NDUFAF2: variants seen among roughly 807,000 people sequenced by gnomAD.
The protein encoded by NDUFAF2 is NADH:ubiquinone oxidoreductase complex assembly factor 2.
NDUFAF2 carries 13 observed loss-of-function variants against 22.8 expected under a neutral mutation model. That is an observed-to-expected ratio of 0.57 (90% CI 0.37 to 0.91). The LOEUF is 0.91. Ranked by LOEUF, NDUFAF2 falls within the 40% of genes least tolerant of loss-of-function variation. The probability of loss-of-function intolerance (pLI) is 0.01; values close to 1 mark genes in which losing one functional copy is unlikely to be tolerated. For missense variants in NDUFAF2, 162 were observed against 195.2 expected (o/e 0.83, Z 1.01); for synonymous variants, 53 against 64.2 (o/e 0.83, Z 0.84).
At chr5:61,087,108 G>A (rs1472906308) in intron 2 of NDUFAF2, among the ~76,000 whole-genome samples, 2 of 152,102 alleles carry the variant, frequency 1.3e-5, no homozygotes, top group Admixed American at 1.3e-4. Context: ...GTTAGATGAG[G>A]TCATGAGGGT....
chr5:61,040,290 G>A (rs374358665), intron 1 of NDUFAF2, among the ~76,000 whole-genome samples: 5,287 of 62,302 alleles, frequency 0.085, 146 homozygotes, highest in African/African-American at 0.17. Context: ...ACACACACGC[G>A]CGCGCGCGCG....
At position 61,105,555 on chromosome 5, in the gene NDUFAF2, GA is replaced by G. The variant is rs903009606; in HGVS notation, c.258+6533del. ...TTAAACATCATTCATTAAAATGAAT[GA>G]AAAAAAAAACTTAAGAATGAACTGG... On this transcript the variant is annotated intron_variant, in intron 3 of 3. Coordinates refer to ENST00000296597, the MANE Select transcript of NDUFAF2 (RefSeq NM_174889.5). 4.5e-4 allele frequency among the ~76,000 whole-genome samples: 44 copies of G among 96,858 alleles called. 1 individual carries two copies. The highest frequency in any genetic ancestry group is 1.4e-3 in the African/African-American group (35 of 24,238). The allele number at this position is 96,858 out of a possible 152,430, so 63.5% of individuals were successfully genotyped here. A position where few individuals can be genotyped will look rare whatever the true frequency, so the allele number is the denominator to read the frequency against.
chr5:60,961,970 A>C lies in NDUFAF2; in HGVS notation c.127+16588A>C, dbSNP rs1434207789. On this transcript the variant is annotated intron_variant, in intron 1 of 3. Coordinates refer to ENST00000296597, the MANE Select transcript of NDUFAF2 (RefSeq NM_174889.5). ...AGCAAGACTCTTTCTCTAAAAAAAA[A>C]AAAATCTTAAAAAAGAATGAATTAA... Among the ~76,000 whole-genome samples, 6 of 152,136 alleles carry C rather than the reference A, an allele frequency of 3.9e-5. No homozygotes were observed. In the East Asian group the frequency reaches 7.7e-4, roughly 20 times the overall value.
At chr5:60,946,293 A>G (rs1008196801) in intron 1 of NDUFAF2, among the ~76,000 whole-genome samples, 3 of 152,208 alleles carry the variant, frequency 2.0e-5, no homozygotes, top group Admixed American at 6.5e-5. Flanking sequence ...TCCAAGTCTC[A>G]ACATCCTCAC....
chr5:61,049,886 T>TATACAC (rs1752002087), intron 1 of NDUFAF2, among the ~76,000 whole-genome samples: 1 of 144,340 alleles, frequency 6.9e-6, no homozygotes, highest in African/African-American at 2.6e-5. Flanking sequence ...ATTTAAATTA[T>TATACAC]ACACACACAC....
intron 1 of NDUFAF2, among the ~76,000 whole-genome samples, chr5:61,072,125 G>T (rs535274070): frequency 6.6e-6 from 1 of 152,248 alleles, no homozygotes; most frequent in East Asian, 1.9e-4. Flanking sequence ...AAGAACCATA[G>T]ACTTTGAAAT....
At chr5:61,026,585 A>G (rs757255522) in intron 1 of NDUFAF2, among the ~76,000 whole-genome samples, 22 of 152,124 alleles carry the variant, frequency 1.4e-4, no homozygotes, top group Non-Finnish European at 2.9e-4. Context: ...TGAGTATTGT[A>G]GGAATATAAT....
intron 2 of NDUFAF2, 57 bp from the exon 3 acceptor site, chr5:61,098,935 A>G: frequency 6.8e-7 from 1 of 1,477,786 alleles, no homozygotes; most frequent in South Asian, 1.2e-5. Context: ...TTTTATGGAT[A>G]AAAATGTTTG....
chr5:61,145,585 C>G (rs1199186193), intron 3 of NDUFAF2, among the ~76,000 whole-genome samples: 1 of 152,036 alleles, frequency 6.6e-6, no homozygotes, highest in Non-Finnish European at 1.5e-5. Flanking sequence ...TTCCAAGATC[C>G]AAAAAATTCC....
At chr5:61,017,689 A>G (rs1350843722) in intron 1 of NDUFAF2, among the ~76,000 whole-genome samples, 1 of 152,060 alleles carries the variant, frequency 6.6e-6, no homozygotes, top group Admixed American at 6.5e-5. Flanking sequence ...GGATTGCTTG[A>G]GCGCAGGAGT....
chr5:61,043,154 G>A (rs554026230), intron 1 of NDUFAF2, among the ~76,000 whole-genome samples: 3 of 152,144 alleles, frequency 2.0e-5, no homozygotes, highest in East Asian at 3.9e-4. Flanking sequence ...TGGGAGGCAG[G>A]GGTTGCAGTG....
chr5:61,051,319 C>G (rs1455170951), intron 1 of NDUFAF2, among the ~76,000 whole-genome samples: 4 of 152,244 alleles, frequency 2.6e-5, no homozygotes, highest in South Asian at 2.1e-4. Flanking sequence ...CATTTTCTTT[C>G]TTGTACTTAT....
intron 2 of NDUFAF2, among the ~76,000 whole-genome samples, chr5:61,082,806 A>G (rs1399914731): frequency 6.6e-6 from 1 of 152,044 alleles, no homozygotes; most frequent in Non-Finnish European, 1.5e-5. Flanking sequence ...CTTTTTTGCT[A>G]TTGTGAATAG....
chr5:61,010,487 A>G (rs1284629039), intron 1 of NDUFAF2, among the ~76,000 whole-genome samples: 2 of 151,792 alleles, frequency 1.3e-5, no homozygotes, highest in Admixed American at 1.3e-4. Flanking sequence ...CAACTCTTCC[A>G]TTTAGCTAAC....
intron 1 of NDUFAF2, among the ~76,000 whole-genome samples, chr5:60,978,233 G>A (rs1295354926): frequency 8.5e-5 from 13 of 152,156 alleles, no homozygotes; most frequent in Admixed American, 2.6e-4. Context: ...CTCAGCAGTG[G>A]GAACCTGAGT....
chr5:61,150,762 C>T (rs914020363), intron 3 of NDUFAF2, among the ~76,000 whole-genome samples: 1 of 152,140 alleles, frequency 6.6e-6, no homozygotes, highest in African/African-American at 2.4e-5. Flanking sequence ...TGGTCCTGAA[C>T]TTTTCATTCC....
chr5:60,945,481 A>T, intron 1 of NDUFAF2, 99 bp downstream of exon 1: 1 of 1,518,576 alleles, frequency 6.6e-7, no homozygotes, highest in Admixed American at 1.7e-5. Flanking sequence ...GCATCATGCG[A>T]CACTTAGGGT....
chr5:60,959,332 A>G (rs1388564002), intron 1 of NDUFAF2, among the ~76,000 whole-genome samples: 1 of 152,046 alleles, frequency 6.6e-6, no homozygotes, highest in African/African-American at 2.4e-5. Flanking sequence ...GATTTGAAGG[A>G]GTAATCATTT....
chr5:61,016,493 A>G (rs1393875286), intron 1 of NDUFAF2, among the ~76,000 whole-genome samples: 1 of 152,176 alleles, frequency 6.6e-6, no homozygotes, highest in Non-Finnish European at 1.5e-5. Context: ...GTAAATAACT[A>G]TGTGGTTGGA....
Sources: allele counts gnomAD v4.1 joint callset (sites outside exome capture counted in the v4.1 genomes callset), GRCh38; gene constraint gnomAD v4.1.1; transcripts MANE v1.5; gene names NCBI Gene and HGNC (gene_info 2026-07-23, HGNC 2026-07-21).